The following EXOC4 variants were observed in gnomAD, a reference collection of about 807,000 sequenced individuals.
EXOC4 encodes the protein SEC8-like 1.
Under a neutral mutation model 107.2 loss-of-function variants are expected in EXOC4, and 71 were observed. The observed-to-expected ratio is 0.66, with a 90% CI of 0.55 to 0.81. EXOC4 has a LOEUF of 0.81. Among genes scored for constraint, EXOC4 ranks in the 30% least tolerant of loss-of-function variants. The pLI, the probability that EXOC4 is intolerant of heterozygous loss-of-function variation, is 0.00. For missense variants in EXOC4, 1,108 were observed against 1,189.6 expected (o/e 0.93, Z 1.01); for synonymous variants, 456 against 441.2 (o/e 1.03, Z -0.42).
chr7:133,339,758 T>G (rs1795614878), intron 5 of EXOC4, among the ~76,000 whole-genome samples: 2 of 152,188 alleles, frequency 1.3e-5, no homozygotes, highest in Admixed American at 1.3e-4. Flanking sequence ...GCATTTTATT[T>G]TATTTTTGCA....
At chr7:133,319,629 A>G (rs1384865584) in intron 5 of EXOC4, among the ~76,000 whole-genome samples, 3 of 152,016 alleles carry the variant, frequency 2.0e-5, no homozygotes, top group Non-Finnish European at 2.9e-5. Context: ...AGCTGGGATT[A>G]CAGGCGTGCA....
chr7:133,902,357 T>G (rs551776287), intron 12 of EXOC4, among the ~76,000 whole-genome samples: 5 of 152,328 alleles, frequency 3.3e-5, no homozygotes, highest in African/African-American at 1.2e-4. Flanking sequence ...ACAAACACAG[T>G]GGATCACTGC....
intron 7 of EXOC4, among the ~76,000 whole-genome samples, chr7:133,375,530 G>A (rs758435568): frequency 6.6e-6 from 1 of 151,834 alleles, no homozygotes; most frequent in Non-Finnish European, 1.5e-5. Flanking sequence ...AAAAATAGAA[G>A]CATATTCTCA....
chr7:133,809,753 A>C (rs1240057059), intron 10 of EXOC4, among the ~76,000 whole-genome samples: 1 of 152,200 alleles, frequency 6.6e-6, no homozygotes, highest in African/African-American at 2.4e-5. Context: ...GAGATAGCAA[A>C]GTGAAAAGTT....
At chr7:133,404,768 G>A (rs752078394) in intron 7 of EXOC4, among the ~76,000 whole-genome samples, 1 of 151,798 alleles carries the variant, frequency 6.6e-6, no homozygotes, top group Non-Finnish European at 1.5e-5. Context: ...GCTCATGCCT[G>A]TAATCCCAGC....
At chr7:133,768,215 G>A (rs1796177068) in intron 10 of EXOC4, 1 of 151,974 alleles carries the variant, frequency 6.6e-6, no homozygotes, top group African/African-American at 2.4e-5. Flanking sequence ...ACGGAACTAG[G>A]AAGCTGGAAA....
Position 133,509,489 on chromosome 7 carries a change from A to G in EXOC4, c.1417+29351A>G, listed in dbSNP as rs182481648. ...TAGGGCTTCTGATAAAATTCCTTAAAGAAGGCTCAGCTGGAAGGTTCTCTT... is the reference window on the plus strand; with the variant it reads ...TAGGGCTTCTGATAAAATTCCTTAAGGAAGGCTCAGCTGGAAGGTTCTCTT... On this transcript the variant is annotated intron_variant, in intron 9 of 17. Transcript: ENST00000253861. 3.6e-3 allele frequency among the ~76,000 whole-genome samples: 546 copies of G among 152,074 alleles called. 3 individuals are homozygous for G. The highest frequency in any genetic ancestry group is 5.2e-3 in the Non-Finnish European group (355 of 67,988).
chr7:133,785,662 CAT>C (rs1412619468), intron 10 of EXOC4, among the ~76,000 whole-genome samples: 2 of 137,906 alleles, frequency 1.5e-5, no homozygotes, highest in African/African-American at 2.7e-5. Context: ...GAAATGGGCA[CAT>C]GTTTTGTTTT....
intron 3 of EXOC4, 136 bp from the exon 4 acceptor site, chr7:133,305,741 T>C: frequency 1.5e-6 from 1 of 669,782 alleles, no homozygotes; most frequent in South Asian, 2.4e-5. Context: ...CATTATACTC[T>C]ACGAAGTCTT....
intron 10 of EXOC4, among the ~76,000 whole-genome samples, chr7:133,729,331 C>T (rs1231113600): frequency 6.6e-6 from 1 of 152,034 alleles, no homozygotes; most frequent in Non-Finnish European, 1.5e-5. Flanking sequence ...TTTGAGAAGA[C>T]AGTAATTGCA....
chr7:133,350,726 T>C (rs1347425067), intron 5 of EXOC4, among the ~76,000 whole-genome samples: 1 of 152,068 alleles, frequency 6.6e-6, no homozygotes, highest in African/African-American at 2.4e-5. Flanking sequence ...AAAAATGTCA[T>C]TGGGATTTTG....
At chr7:133,683,815 A>G (rs532244742) in intron 10 of EXOC4, among the ~76,000 whole-genome samples, 1 of 152,300 alleles carries the variant, frequency 6.6e-6, no homozygotes, top group South Asian at 2.1e-4. Context: ...AAACAAGATA[A>G]TATTTATTAA....
chr7:133,947,993 G>A (rs1453344834), intron 14 of EXOC4, among the ~76,000 whole-genome samples: 8 of 152,300 alleles, frequency 5.3e-5, no homozygotes, highest in Middle Eastern at 3.4e-3. Context: ...TGCTGAAATT[G>A]CAAAGCCAGA....
intron 7 of EXOC4, among the ~76,000 whole-genome samples, chr7:133,472,893 A>C (rs1211720241): frequency 1.3e-5 from 2 of 152,150 alleles, no homozygotes; most frequent in African/African-American, 4.8e-5. Context: ...AAATGATCTT[A>C]AAATACCTGT....
chr7:133,494,425 C>T (rs1256779165), intron 9 of EXOC4, among the ~76,000 whole-genome samples: 1 of 152,144 alleles, frequency 6.6e-6, no homozygotes, highest in Non-Finnish European at 1.5e-5. Context: ...TATCATTCCC[C>T]ACAGCATGTC....
chr7:133,265,502 C>G (rs867362414), intron 1 of EXOC4, among the ~76,000 whole-genome samples: 1 of 151,826 alleles, frequency 6.6e-6, no homozygotes, highest in Non-Finnish European at 1.5e-5. Flanking sequence ...GGCAGGGATT[C>G]GGTGACATAG....
At chr7:133,791,098 T>C (rs937402213) in intron 10 of EXOC4, among the ~76,000 whole-genome samples, 2 of 152,192 alleles carry the variant, frequency 1.3e-5, no homozygotes, top group Non-Finnish European at 2.9e-5. Flanking sequence ...GGGACTGATA[T>C]TGAACAATGG....
chr7:133,928,794 T>C (rs1437232665), intron 13 of EXOC4, among the ~76,000 whole-genome samples: 1 of 151,634 alleles, frequency 6.6e-6, no homozygotes, highest in African/African-American at 2.4e-5. Context: ...GAGGAGGGGG[T>C]CCTCACCCAT....
chr7:133,359,274 C>T (rs1189354303), intron 6 of EXOC4, among the ~76,000 whole-genome samples: 1 of 152,124 alleles, frequency 6.6e-6, no homozygotes. Flanking sequence ...TAAGCAGAGT[C>T]ATTCAAAAAT....
Sources: gnomAD v4.1 joint callset for allele counts (sites outside exome capture counted in the v4.1 genomes callset) on GRCh38, gnomAD v4.1.1 for gene constraint, MANE v1.5 for transcripts, NCBI Gene and HGNC (gene_info 2026-07-23, HGNC 2026-07-21) for gene names.